ADARB2: variants seen among roughly 807,000 people sequenced by gnomAD.
The protein encoded by ADARB2 is adenosine deaminase RNA specific B2 (inactive).
ADARB2 carries 25 observed loss-of-function variants against 62.2 expected under a neutral mutation model. The ratio of observed to expected loss-of-function variants is 0.40; its 90% CI spans 0.29 to 0.56. ADARB2 has a LOEUF of 0.56. Ranked by LOEUF, ADARB2 falls within the 20% of genes least tolerant of loss-of-function variation. The probability of loss-of-function intolerance (pLI) is 0.43; values close to 1 mark genes in which losing one functional copy is unlikely to be tolerated. For missense variants in ADARB2, 1,071 were observed against 1,077.4 expected, an observed-to-expected ratio of 0.99 and a Z score of 0.08; for synonymous variants, 572 against 500.8, an observed-to-expected ratio of 1.14 and a Z score of -1.90.
intron 1 of ADARB2, among the ~76,000 whole-genome samples, chr10:1,733,867 T>C (rs1310918823): frequency 1.3e-5 from 2 of 152,144 alleles, no homozygotes; most frequent in African/African-American, 4.8e-5. Flanking sequence ...CTCCATAACC[T>C]CCAAGTGCTA....
intron 1 of ADARB2, among the ~76,000 whole-genome samples, chr10:1,662,490 G>A (rs1834261602): frequency 6.6e-6 from 1 of 152,214 alleles, no homozygotes; most frequent in Admixed American, 6.5e-5. Context: ...AGAGGACTCA[G>A]TGCAGCCACG....
chr10:1,229,023 A>G (rs559328337), intron 6 of ADARB2, among the ~76,000 whole-genome samples: 1 of 152,310 alleles, frequency 6.6e-6, no homozygotes, highest in Non-Finnish European at 1.5e-5. Flanking sequence ...GGTGAGCTGC[A>G]TTGGTAAACA....
chr10:1,707,832 G>A (rs1223401396), intron 1 of ADARB2, among the ~76,000 whole-genome samples: 1 of 152,216 alleles, frequency 6.6e-6, no homozygotes, highest in Non-Finnish European at 1.5e-5. Context: ...ACCTTTGTCT[G>A]ATTGGTCCTC....
chr10:1,272,318 G>A (rs779415798), intron 3 of ADARB2, among the ~76,000 whole-genome samples: 1 of 152,306 alleles, frequency 6.6e-6, no homozygotes, highest in Admixed American at 6.5e-5. Context: ...CTGATGCTGC[G>A]CAGGCATTGC....
At chr10:1,435,019 C>A (rs758182674) in intron 1 of ADARB2, among the ~76,000 whole-genome samples, 1 of 152,260 alleles carries the variant, frequency 6.6e-6, no homozygotes, top group Non-Finnish European at 1.5e-5. Flanking sequence ...CTTGGGCTCA[C>A]AGCTTCGTTG....
At chr10:1,415,459 G>A (rs1832793832) in intron 1 of ADARB2, among the ~76,000 whole-genome samples, 1 of 151,904 alleles carries the variant, frequency 6.6e-6, no homozygotes, top group African/African-American at 2.4e-5. Context: ...GAGTTGATGA[G>A]TGGATGGATG....
intron 1 of ADARB2, among the ~76,000 whole-genome samples, chr10:1,523,843 A>G (rs543665788): frequency 1.3e-5 from 2 of 152,282 alleles, no homozygotes; most frequent in South Asian, 4.1e-4. Flanking sequence ...TATTTTATAA[A>G]TGCTCTTTTC....
At chr10:1,415,179 A>T (rs1832791707) in intron 1 of ADARB2, among the ~76,000 whole-genome samples, 1 of 149,718 alleles carries the variant, frequency 6.7e-6, no homozygotes, top group East Asian at 2.0e-4. Flanking sequence ...GTATATGTAT[A>T]GATGGGTGGG....
At chr10:1,582,937 C>T (rs540524828) in intron 1 of ADARB2, among the ~76,000 whole-genome samples, 1 of 152,306 alleles carries the variant, frequency 6.6e-6, no homozygotes, top group East Asian at 1.9e-4. Flanking sequence ...ACAGAGCAGT[C>T]ATGGGCCTGT....
intron 1 of ADARB2, among the ~76,000 whole-genome samples, chr10:1,486,178 ATG>A (rs1468116784): frequency 6.7e-6 from 1 of 150,028 alleles, no homozygotes; most frequent in Admixed American, 6.7e-5. Flanking sequence ...CACAATGAAA[ATG>A]TGTGTGTGCA....
chr10:1,307,312 A>G (rs1831638626), intron 3 of ADARB2, among the ~76,000 whole-genome samples: 1 of 110,474 alleles, frequency 9.1e-6, no homozygotes, highest in Non-Finnish European at 2.0e-5. Context: ...TTATGCAGCC[A>G]AAAAACACAT....
intron 1 of ADARB2, among the ~76,000 whole-genome samples, chr10:1,621,331 G>A (rs1833701981): frequency 1.3e-5 from 2 of 151,462 alleles, no homozygotes; most frequent in African/African-American, 4.8e-5. Flanking sequence ...CTAACAATCT[G>A]AAAAGAAAAA....
chr10:1,347,642 C>G (rs926191456), intron 3 of ADARB2, among the ~76,000 whole-genome samples: 1 of 152,160 alleles, frequency 6.6e-6, no homozygotes, highest in Admixed American at 6.5e-5. Flanking sequence ...TCACGCCCAT[C>G]GGCTACGAGA....
intron 1 of ADARB2, among the ~76,000 whole-genome samples, chr10:1,723,013 C>T (rs1462384954): frequency 1.3e-5 from 2 of 152,192 alleles, no homozygotes; most frequent in Non-Finnish European, 2.9e-5. Context: ...CATGTGTACA[C>T]ATGCACATAC....
intron 1 of ADARB2, among the ~76,000 whole-genome samples, chr10:1,496,333 C>T (rs1272497128): frequency 1.3e-5 from 2 of 151,698 alleles, no homozygotes; most frequent in East Asian, 1.9e-4. Flanking sequence ...GTATCAACAT[C>T]GTCACCTCCA....
At chr10:1,308,745 A>G (rs1236242305) in intron 3 of ADARB2, among the ~76,000 whole-genome samples, 3 of 152,256 alleles carry the variant, frequency 2.0e-5, no homozygotes, top group Middle Eastern at 3.4e-3. Flanking sequence ...TTTCCATCAT[A>G]TAATTTATTT....
chr10:1,448,776 C>A (rs1831000795), intron 1 of ADARB2, among the ~76,000 whole-genome samples: 2 of 152,166 alleles, frequency 1.3e-5, no homozygotes, highest in South Asian at 2.1e-4. Flanking sequence ...AAATCAACAG[C>A]TTTCCTTTGT....
At chr10:1,627,428 C>T (rs1833784818) in intron 1 of ADARB2, among the ~76,000 whole-genome samples, 1 of 152,082 alleles carries the variant, frequency 6.6e-6, no homozygotes, top group Non-Finnish European at 1.5e-5. Context: ...CTTCTTACAT[C>T]TGTTGCAGGT....
intron 1 of ADARB2, among the ~76,000 whole-genome samples, chr10:1,683,562 C>A (rs936967414): frequency 6.6e-6 from 1 of 152,102 alleles, no homozygotes; most frequent in Non-Finnish European, 1.5e-5. Flanking sequence ...CCCTCAGATC[C>A]GCTTGGGTCT....
Sources: allele counts gnomAD v4.1 joint callset (sites outside exome capture counted in the v4.1 genomes callset), GRCh38; gene constraint gnomAD v4.1.1; transcripts MANE v1.5; gene names NCBI Gene and HGNC (gene_info 2026-07-23, HGNC 2026-07-21).